The following ANAPC1 variants were observed in gnomAD, a reference collection of about 807,000 sequenced individuals.
ANAPC1 encodes the protein anaphase promoting complex subunit 1, also known as anaphase-promoting complex subunit 1.
ANAPC1 carries 36 observed loss-of-function variants against 208.0 expected under a neutral mutation model. The ratio of observed to expected loss-of-function variants is 0.17; its 90% CI spans 0.13 to 0.23. The LOEUF (loss-of-function observed/expected upper bound fraction) is 0.23, where lower values mean the gene tolerates loss of function less well. ANAPC1 is among the 10% of genes least tolerant of loss of function. The pLI, the probability that ANAPC1 is intolerant of heterozygous loss-of-function variation, is 1.00. For synonymous variants in ANAPC1, 378 were observed against 695.2 expected, an observed-to-expected ratio of 0.54 and a Z score of 7.18; for missense variants, 942 against 2,011.6, an observed-to-expected ratio of 0.47 and a Z score of 10.17.
chr2:111,781,537 G>A (rs563853134), intron 43 of ANAPC1, among the ~76,000 whole-genome samples: 7 of 152,374 alleles, frequency 4.6e-5, no homozygotes, highest in South Asian at 2.1e-4. Context: ...TGCTGTCTCC[G>A]TACTTGGAAG....
rs375842195 is a variant in ANAPC1 at position 111,858,489 on chromosome 2, G to A, written c.1263-88C>T. ...ATTAAAAGTCTTTGAGGCCGGGCGC[G>A]GTGGCTCACACCTGTAATCCCAACA... On this transcript the variant is annotated intron_variant, in intron 10 of 47. Coordinates refer to ENST00000341068, the MANE Select transcript of ANAPC1 (RefSeq NM_022662.4). The A allele has an allele frequency of 7.0e-5, 73 of 1,048,884 alleles. 1 individual carries two copies. In the South Asian group the frequency reaches 8.7e-4, roughly 13 times the overall value. The allele number at this position is 1,048,884 out of a possible 1,614,324, so 65.0% of individuals were successfully genotyped here.
chr2:111,856,189 C>T (rs143820074), intron 13 of ANAPC1, among the ~76,000 whole-genome samples: 2,602 of 152,260 alleles, frequency 0.017, 65 homozygotes, highest in African/African-American at 0.06. Flanking sequence ...AAGCCGAGAT[C>T]GTGCCATTGC....
chr2:111,879,865 T>C (rs1200899474), intron 2 of ANAPC1, among the ~76,000 whole-genome samples: 1 of 151,282 alleles, frequency 6.6e-6, no homozygotes, highest in African/African-American at 2.4e-5. Context: ...AAAGTGAAAC[T>C]CCGTCTCAGG....
rs539533041 is a variant in ANAPC1 at position 111,782,855 on chromosome 2, T to A, written c.5064-348A>T. On this transcript the variant is annotated intron_variant, in intron 42 of 47. Coordinates refer to ENST00000341068, the MANE Select transcript of ANAPC1 (RefSeq NM_022662.4). The stretch of plus-strand genomic sequence containing the variant: ...ACATGAGGTACTAAATATCTATTAA[T>A]TGGTTTGCAGCAAGAAGAAAATAAT... 2.0e-5 allele frequency among the ~76,000 whole-genome samples: 3 copies of A among 152,294 alleles called. No individual in the cohort carries two copies. In the South Asian group the frequency reaches 6.2e-4, roughly 32 times the overall value.
At chr2:111,829,798 G>A (rs1472692874) in intron 21 of ANAPC1, among the ~76,000 whole-genome samples, 1 of 152,062 alleles carries the variant, frequency 6.6e-6, no homozygotes, top group South Asian at 2.1e-4. Flanking sequence ...GGACGGGCAC[G>A]GTGGCTCACA....
intron 13 of ANAPC1, among the ~76,000 whole-genome samples, chr2:111,855,311 AC>A (rs1453169908): frequency 1.3e-5 from 2 of 152,366 alleles, no homozygotes; most frequent in African/African-American, 4.8e-5. Context: ...TAAACTAATA[AC>A]AAAAAGGTTT....
intron 18 of ANAPC1, among the ~76,000 whole-genome samples, chr2:111,835,887 A>T (rs919075547): frequency 2.6e-5 from 4 of 152,120 alleles, no homozygotes; most frequent in Non-Finnish European, 5.9e-5. Flanking sequence ...TTGGATAACT[A>T]AAATAAAAAA....
chr2:111,782,320 C>T (rs139097400), intron 43 of ANAPC1, 49 bp downstream of exon 43: 339 of 1,612,038 alleles, frequency 2.1e-4, no homozygotes, highest in Non-Finnish European at 2.6e-4. Flanking sequence ...GCGAGGAAGC[C>T]GGCAATTTAG....
chr2:111,881,524 T>A (rs1450711361), intron 1 of ANAPC1, among the ~76,000 whole-genome samples: 1 of 152,166 alleles, frequency 6.6e-6, no homozygotes, highest in Non-Finnish European at 1.5e-5. Flanking sequence ...TACTAGGTTT[T>A]AATTAATTAT....
At chr2:111,879,223 G>A (rs1224926086) in intron 2 of ANAPC1, among the ~76,000 whole-genome samples, 3 of 152,112 alleles carry the variant, frequency 2.0e-5, no homozygotes, top group Admixed American at 6.5e-5. Context: ...AAACAAAAAC[G>A]AACAAAAAGT....
chr2:111,834,231 C>G (rs539035489), intron 19 of ANAPC1, among the ~76,000 whole-genome samples: 1 of 152,194 alleles, frequency 6.6e-6, no homozygotes, highest in Non-Finnish European at 1.5e-5. Context: ...TACATGTAAA[C>G]TATGATTTTG....
chr2:111,883,725 G>C (rs1168573401), intron 1 of ANAPC1, among the ~76,000 whole-genome samples: 1 of 152,208 alleles, frequency 6.6e-6, no homozygotes, highest in Non-Finnish European at 1.5e-5. Flanking sequence ...TCAGGAAAGA[G>C]GTTGGCAAGC....
intron 6 of ANAPC1, among the ~76,000 whole-genome samples, chr2:111,871,839 T>C (rs1255260024): frequency 6.6e-6 from 1 of 152,232 alleles, no homozygotes; most frequent in Non-Finnish European, 1.5e-5. Flanking sequence ...GTACATTGAT[T>C]TTGTAATCTG....
In ANAPC1 at chr2:111,794,264, C is replaced by G. The variant is rs1440368405; in HGVS notation, c.4433G>C (p.Gly1478Ala). Residue 1478 changes from glycine (G) to alanine (A), a missense_variant, in exon 36 of 48, where the codon GGC becomes GCC. Transcript: ENST00000341068. The part of the protein sequence containing the change: ...ACLSLGFRFA[G>A]SENLSAFNCL... ...GTTAAATGCTGATAAGTTTTCTGAG[C>G]CAGCAAATCGAAAACCCAGAGACAA... 9 of 1,612,906 alleles carry G rather than the reference C, an allele frequency of 5.6e-6. No homozygotes were observed. The highest frequency in any genetic ancestry group is 5.9e-6 in the Non-Finnish European group (7 of 1,179,558).
At position 111,805,852 on chromosome 2, in the gene ANAPC1, C is replaced by G. The variant is rs1342450134; in HGVS notation, c.3874G>C (p.Glu1292Gln). 5.3e-6 allele frequency: 2 copies of G among 378,176 alleles called. No individual in the cohort carries two copies. Among genetic ancestry groups the G allele is most frequent in the Non-Finnish European group, 9.2e-6 (2 of 217,230 alleles). The allele number at this position is 378,176 out of a possible 1,614,324, so 23.4% of individuals were successfully genotyped here. The part of the protein sequence containing the change: ...GPEMEYCTDR[E>Q]SYSLAAGLAL... ...AAGCCAGCAGCTAAGGAGTATGACT[C>G]TCTGTCAGTGCAGTATTCCATTTCA... The change falls in exon 30 of 48, where the codon GAG becomes CAG. Residue 1292 changes from glutamate (E) to glutamine (Q), a missense_variant. Glu to Gln is a conservative substitution (Grantham distance 29). Transcript: ENST00000341068.
intron 47 of ANAPC1, 88 bp from the exon 48 acceptor site, chr2:111,769,494 T>G: frequency 1.6e-6 from 1 of 613,294 alleles, no homozygotes; most frequent in Non-Finnish European, 3.0e-6. Context: ...AACACAATCA[T>G]GTTTAAAACA....
intron 6 of ANAPC1, among the ~76,000 whole-genome samples, chr2:111,872,176 A>G (rs138211648): frequency 0.034 from 5,227 of 152,150 alleles, 319 homozygotes; most frequent in African/African-American, 0.12. Context: ...TTCTATGCCT[A>G]GTTTGTTTTT....
chr2:111,817,350 T>C (rs1679291092), intron 27 of ANAPC1, among the ~76,000 whole-genome samples: 1 of 151,736 alleles, frequency 6.6e-6, no homozygotes. Context: ...TTGCCAATTT[T>C]GCATTAGATT....
chr2:111,842,572 G>A (rs4848192), intron 17 of ANAPC1, among the ~76,000 whole-genome samples: 53,852 of 150,866 alleles, frequency 0.36, 10,324 homozygotes, highest in South Asian at 0.48. Context: ...GAACCCAGGA[G>A]GCAGAGCCTG....
Sources: gnomAD v4.1 joint callset for allele counts (sites outside exome capture counted in the v4.1 genomes callset) on GRCh38, gnomAD v4.1.1 for gene constraint, MANE v1.5 for transcripts, NCBI Gene and HGNC (gene_info 2026-07-23, HGNC 2026-07-21) for gene names.